The following LRRC4C variants were observed in gnomAD, a reference collection of about 807,000 sequenced individuals.
LRRC4C encodes the protein leucine rich repeat containing 4C, also known as leucine-rich repeat-containing protein 4C.
A neutral mutation model predicts 33.6 loss-of-function variants in LRRC4C; 5 were observed. The observed-to-expected ratio is 0.15, with a 90% CI of 0.08 to 0.31. The LOEUF (loss-of-function observed/expected upper bound fraction) is 0.31, where lower values mean the gene tolerates loss of function less well. Among genes scored for constraint, LRRC4C ranks in the 10% least tolerant of loss-of-function variants. The pLI is 1.00. For synonymous variants in LRRC4C, 329 were observed against 302.0 expected (o/e 1.09, Z -0.93); for missense variants, 560 against 796.7 (o/e 0.70, Z 3.58).
chr11:40,588,460 T>C (rs2135713102), intron 3 of LRRC4C, among the ~76,000 whole-genome samples: 1 of 152,020 alleles, frequency 6.6e-6, no homozygotes, highest in East Asian at 1.9e-4. Context: ...GAAGGGTTTT[T>C]TGTGTCTCTA....
At chr11:41,129,293 T>C (rs1010022864) in intron 1 of LRRC4C, among the ~76,000 whole-genome samples, 15 of 152,016 alleles carry the variant, frequency 9.9e-5, no homozygotes, top group Non-Finnish European at 5.9e-5. Flanking sequence ...GTAAATGTTC[T>C]CTGGGCTACC....
intron 3 of LRRC4C, among the ~76,000 whole-genome samples, chr11:40,401,105 T>C (rs980531676): frequency 2.0e-5 from 3 of 152,086 alleles, no homozygotes; most frequent in Non-Finnish European, 4.4e-5. Flanking sequence ...TACTGTCTTT[T>C]TAAACTTCAT....
In LRRC4C at chr11:40,253,928, T is replaced by A. The variant is rs185422955; in HGVS notation, c.-175-12330A>T. ...TTATGAAGATTTTATTCACATTATATAAGTTTTTATAGTTAAAAATCATGC... is the reference window on the plus strand; with the variant it reads ...TTATGAAGATTTTATTCACATTATAAAAGTTTTTATAGTTAAAAATCATGC... On this transcript the variant is annotated intron_variant, in intron 4 of 6. Transcript: ENST00000528697. Among the ~76,000 whole-genome samples the A allele has an allele frequency of 3.5e-3, 534 of 152,340 alleles. 3 individuals are homozygous for A. Among genetic ancestry groups the A allele is most frequent in the African/African-American group, 0.013 (521 of 41,572 alleles).
Position 40,116,230 on chromosome 11 carries a change from G to A in LRRC4C, c.63C>T (p.Ala21=). ...QIMIGPRFNR[A]LFDPLLVVLL... is the part of the protein sequence containing the mutation. Reference sequence around the variant, plus strand: ...GCACCACAAGCAGGGGGTCAAATAGGGCCCTGTTAAACCTAGGACCTATCA... The same window carrying A: ...GCACCACAAGCAGGGGGTCAAATAGAGCCCTGTTAAACCTAGGACCTATCA... The change falls in exon 7 of 7, where the codon GCC becomes GCT. Residue 21 remains alanine, a synonymous_variant. Transcript: ENST00000528697. 1 of 1,613,962 alleles carries A rather than the reference G, an allele frequency of 6.2e-7. No individual in the cohort carries two copies. The highest frequency in any genetic ancestry group is 1.3e-5 in the African/African-American group (1 of 74,972).
intron 1 of LRRC4C, among the ~76,000 whole-genome samples, chr11:41,096,318 T>G (rs1312743311): frequency 1.3e-5 from 2 of 152,200 alleles, no homozygotes; most frequent in Non-Finnish European, 2.9e-5. Context: ...TAAACTTTAA[T>G]ATTACCCTTT....
chr11:40,982,066 A>G (rs184169584), intron 1 of LRRC4C, among the ~76,000 whole-genome samples: 1 of 152,314 alleles, frequency 6.6e-6, no homozygotes, highest in East Asian at 1.9e-4. Flanking sequence ...AACTTCCCCA[A>G]AATATTACTG....
intron 2 of LRRC4C, among the ~76,000 whole-genome samples, chr11:40,659,892 A>G (rs1943338567): frequency 6.6e-6 from 1 of 152,204 alleles, no homozygotes; most frequent in African/African-American, 2.4e-5. Context: ...TGGGACAAGT[A>G]CTCAGGATGT....
At chr11:41,140,778 C>T (rs1026004289) in intron 1 of LRRC4C, among the ~76,000 whole-genome samples, 2 of 126,288 alleles carry the variant, frequency 1.6e-5, no homozygotes, top group Non-Finnish European at 1.8e-5. Context: ...ATCCTCTCCC[C>T]TAGTTTAATA....
chr11:41,141,627 G>A (rs1459301226), intron 1 of LRRC4C, among the ~76,000 whole-genome samples: 1 of 152,064 alleles, frequency 6.6e-6, no homozygotes, highest in Non-Finnish European at 1.5e-5. Context: ...TAGTAAGTGA[G>A]TCTCATGAGA....
At chr11:40,273,691 A>G (rs1292594397) in intron 4 of LRRC4C, among the ~76,000 whole-genome samples, 1 of 152,162 alleles carries the variant, frequency 6.6e-6, no homozygotes, top group African/African-American at 2.4e-5. Flanking sequence ...ATAAATGGAG[A>G]AAAATGTTCA....
intron 4 of LRRC4C, among the ~76,000 whole-genome samples, chr11:40,315,239 T>A (rs916108841): frequency 4.6e-5 from 7 of 151,684 alleles, no homozygotes; most frequent in African/African-American, 9.7e-5. Flanking sequence ...AAAAACCCAA[T>A]ATGGATTATA....
At chr11:40,419,140 A>G (rs897621369) in intron 3 of LRRC4C, among the ~76,000 whole-genome samples, 2 of 150,688 alleles carry the variant, frequency 1.3e-5, no homozygotes, top group Non-Finnish European at 2.9e-5. Flanking sequence ...AATAAAAAGA[A>G]AAGAAAGAAA....
intron 3 of LRRC4C, among the ~76,000 whole-genome samples, chr11:40,522,314 GC>G (rs1334546178): frequency 6.6e-6 from 1 of 152,234 alleles, no homozygotes; most frequent in African/African-American, 2.4e-5. Context: ...ATAGGCGTGA[GC>G]CCTGGCGCCT....
At chr11:40,895,243 G>T (rs995232777) in intron 2 of LRRC4C, among the ~76,000 whole-genome samples, 2 of 151,704 alleles carry the variant, frequency 1.3e-5, no homozygotes, top group African/African-American at 4.8e-5. Flanking sequence ...TTAGATACCT[G>T]GTCAAATTTG....
rs149889030 is a variant in LRRC4C at position 41,132,256 on chromosome 11, T to G, written c.-495-198533A>C. ...CTAGTTCTTTGTGGATGCTGAGTTTTGGAGAAAAAGGAAAAAATGGTAGAA... is the reference window on the plus strand; with the variant it reads ...CTAGTTCTTTGTGGATGCTGAGTTTGGGAGAAAAAGGAAAAAATGGTAGAA... On this transcript the variant is annotated intron_variant, in intron 1 of 6. Coordinates refer to ENST00000528697, the MANE Select transcript of LRRC4C (RefSeq NM_001258419.2). Among the ~76,000 whole-genome samples, 1,215 of 152,246 alleles carry G rather than the reference T, an allele frequency of 8.0e-3. 12 individuals carry two copies. The highest frequency in any genetic ancestry group is 0.028 in the African/African-American group (1,152 of 41,552).
Position 40,715,073 on chromosome 11 carries a change from T to A in LRRC4C, c.-406-66795A>T, listed in dbSNP as rs368504459. Among the ~76,000 whole-genome samples, 31 of 152,130 alleles carry A rather than the reference T, an allele frequency of 2.0e-4. No individual in the cohort carries two copies. In the East Asian group the frequency reaches 4.1e-3, roughly 20 times the overall value. On this transcript the variant is annotated intron_variant, in intron 2 of 6. Transcript: ENST00000528697. ...CAGAGCACAAACGTAAAGGAGAAAA[T>A]GAATAACTTCACCTGTAATAAAATC...
At chr11:41,057,405 A>G (rs1858707791) in intron 1 of LRRC4C, among the ~76,000 whole-genome samples, 1 of 152,172 alleles carries the variant, frequency 6.6e-6, no homozygotes, top group Admixed American at 6.5e-5. Context: ...CTCGACACCT[A>G]TAGCCTGGGC....
At chr11:41,200,039 C>A (rs1946342069) in intron 1 of LRRC4C, among the ~76,000 whole-genome samples, 1 of 152,170 alleles carries the variant, frequency 6.6e-6, no homozygotes, top group Non-Finnish European at 1.5e-5. Flanking sequence ...ATGTAAAAAA[C>A]CATGTTGTTT....
intron 1 of LRRC4C, among the ~76,000 whole-genome samples, chr11:40,935,277 G>T (rs533042689): frequency 6.6e-6 from 1 of 152,210 alleles, no homozygotes; most frequent in South Asian, 2.1e-4. Flanking sequence ...ATGTTATTGG[G>T]TTCAAAATTC....
Sources: gnomAD v4.1 joint callset for allele counts (sites outside exome capture counted in the v4.1 genomes callset) on GRCh38, gnomAD v4.1.1 for gene constraint, MANE v1.5 for transcripts, NCBI Gene and HGNC (gene_info 2026-07-23, HGNC 2026-07-21) for gene names.